Variants in NWD1 observed in about 807,000 individuals in gnomAD.
NWD1 encodes NACHT and WD repeat domain containing 1.
A neutral mutation model predicts 135.1 loss-of-function variants in NWD1; 129 were observed. The ratio of observed to expected loss-of-function variants is 0.96; its 90% CI spans 0.83 to 1.11. NWD1 has a LOEUF of 1.11. Ranked by LOEUF, NWD1 falls within the 50% of genes least tolerant of loss-of-function variation. NWD1 has a pLI of 0.00. For missense variants in NWD1, 1,740 were observed against 1,851.3 expected (o/e 0.94, Z 1.10); for synonymous variants, 773 against 786.0 (o/e 0.98, Z 0.28).
intron 5 of NWD1, among the ~76,000 whole-genome samples, chr19:16,747,824 C>T (rs1968388229): frequency 6.6e-6 from 1 of 152,188 alleles, no homozygotes; most frequent in African/African-American, 2.4e-5. Context: ...CACTACATGG[C>T]CTTTTGTGTC....
chr19:16,722,276 G>A (rs1967167173), intron 1 of NWD1, among the ~76,000 whole-genome samples: 1 of 151,182 alleles, frequency 6.6e-6, no homozygotes, highest in African/African-American at 2.4e-5. Flanking sequence ...TCCAGCCTGG[G>A]CGACAGAGCA....
At chr19:16,753,019 C>A (rs1232744367) in intron 6 of NWD1, among the ~76,000 whole-genome samples, 3 of 152,220 alleles carry the variant, frequency 2.0e-5, no homozygotes, top group Non-Finnish European at 2.9e-5. Flanking sequence ...CAAATAACAA[C>A]TGGGGCATGT....
rs542716813 is a variant in NWD1 at position 16,817,694 on chromosome 19, T to C, written c.*2655T>C. On this transcript the variant is annotated 3_prime_UTR_variant, in exon 19 of 19. Coordinates refer to ENST00000524140, the MANE Select transcript of NWD1 (RefSeq NM_001007525.5). ...TCTTCTGCCATTTTCATTTAACTGA[T>C]TTAACTGAAGAGCCCAATTAAATTG... 60 of 152,220 alleles carry C rather than the reference T, an allele frequency of 3.9e-4. No homozygotes were observed. The highest frequency in any genetic ancestry group is 1.4e-3 in the African/African-American group (58 of 41,544). The allele number at this position is 152,220 out of a possible 1,614,324, so 9.4% of individuals were successfully genotyped here. A position where few individuals can be genotyped will look rare whatever the true frequency, so the allele number is the denominator to read the frequency against.
At chr19:16,756,424 C>A (rs1003744977) in intron 6 of NWD1, among the ~76,000 whole-genome samples, 1 of 152,018 alleles carries the variant, frequency 6.6e-6, no homozygotes, top group Non-Finnish European at 1.5e-5. Context: ...ACAGCACAGG[C>A]GGAAGAAAAT....
rs1285298947 is a variant in NWD1, at chr19:16,749,958, T to C, written c.1316T>C (p.Met439Thr). ...FESLVLLLDA[M>T]DDLDSVRHAR... is the part of the protein sequence containing the mutation. Reference sequence around the variant, plus strand: ...TCTCTCGTGCTCCTGCTGGATGCTATGGATGACCTGGACTCTGTCCGCCAT... The same window carrying C: ...TCTCTCGTGCTCCTGCTGGATGCTACGGATGACCTGGACTCTGTCCGCCAT... Residue 439 changes from methionine to threonine, a missense_variant, in exon 6 of 19, where the codon ATG becomes ACG. Transcript: ENST00000524140. The C allele has an allele frequency of 1.2e-6, 2 of 1,613,834 alleles. No individual in the cohort carries two copies. The highest frequency in any genetic ancestry group is 1.3e-5 in the African/African-American group (1 of 75,062).
In NWD1 at chr19:16,765,111, C is replaced by A. The variant is rs1196870681; in HGVS notation, c.2329C>A (p.Pro777Thr). ...GCTGGATGACTTTGACCTGTGTGCC[C>A]CTCACCTGGACTCCCCTGAGGTTGG... ...DLLDDFDLCA[P>T]HLDSPEVGLV... Residue 777 changes from proline (P) to threonine (T), a missense_variant, in exon 10 of 19, where the codon CCT becomes ACT. Pro to Thr is a conservative substitution (Grantham distance 38). Transcript: ENST00000524140. 22 of 1,613,998 alleles carry A rather than the reference C, an allele frequency of 1.4e-5. No homozygotes were observed. The highest frequency in any genetic ancestry group is 1.7e-5 in the Non-Finnish European group (20 of 1,180,016).
Position 16,807,930 on chromosome 19 carries a change from C to A in NWD1, c.4081C>A (p.Arg1361Ser), listed in dbSNP as rs375906944. Reference sequence around the variant, plus strand: ...CAGCGTGGCCATTCTGACGGACTACCGCGTGGTCTACAGCATGACCAATGG... The same window carrying A: ...CAGCGTGGCCATTCTGACGGACTACAGCGTGGTCTACAGCATGACCAATGG... ...LSSVAILTDY[R>S]VVYSMTNGDL... Residue 1361 changes from arginine (R) to serine (S), a missense_variant, in exon 18 of 19, where the codon CGC becomes AGC. Physicochemically the swap from Arg to Ser is moderately radical, Grantham distance 110. Transcript: ENST00000524140. 6.2e-7 allele frequency: 1 copy of A among 1,614,032 alleles called. No individual in the cohort carries two copies. Among genetic ancestry groups the A allele is most frequent in the African/African-American group, 1.3e-5 (1 of 74,916 alleles).
chr19:16,726,566 A>G (rs1461805850), intron 2 of NWD1, among the ~76,000 whole-genome samples: 1 of 151,952 alleles, frequency 6.6e-6, no homozygotes, highest in Non-Finnish European at 1.5e-5. Flanking sequence ...CAGCCTCCCA[A>G]GTAGCTGGGA....
chr19:16,742,364 GA>G (rs1465564183), intron 4 of NWD1, among the ~76,000 whole-genome samples: 1 of 152,126 alleles, frequency 6.6e-6, no homozygotes, highest in African/African-American at 2.4e-5. Flanking sequence ...GACAGAGGGA[GA>G]TTCCATCTCA....
At chr19:16,765,712 C>G (rs971550902) in intron 10 of NWD1, among the ~76,000 whole-genome samples, 2 of 152,054 alleles carry the variant, frequency 1.3e-5, no homozygotes, top group Non-Finnish European at 1.5e-5. Context: ...TTGCCCTGGA[C>G]TTTTCTTTAG....
At chr19:16,758,245 G>A (rs1356218386) in intron 6 of NWD1, among the ~76,000 whole-genome samples, 2 of 152,008 alleles carry the variant, frequency 1.3e-5, no homozygotes, top group African/African-American at 4.8e-5. Flanking sequence ...TTTTTAACCA[G>A]TTTAACTTTA....
chr19:16,817,297 C>T lies in NWD1; in HGVS notation c.*2258C>T, dbSNP rs1971091432. On this transcript the variant is annotated 3_prime_UTR_variant, in exon 19 of 19. Transcript: ENST00000524140. ...CCTGGGTGACAGAGCAAGACTCCAT[C>T]TCATAATAATAATAATAATGGCAAA... The T allele has an allele frequency of 7.0e-6, 1 of 143,162 alleles. No homozygotes were observed. The allele number at this position is 143,162 out of a possible 1,614,324, so 8.9% of individuals were successfully genotyped here.
At chr19:16,795,472 A>G (rs1014863323) in intron 15 of NWD1, among the ~76,000 whole-genome samples, 2 of 145,282 alleles carry the variant, frequency 1.4e-5, no homozygotes, top group Admixed American at 1.4e-4. Context: ...GCTGTAGTGC[A>G]GTGGTATGAT....
intron 6 of NWD1, among the ~76,000 whole-genome samples, chr19:16,755,792 C>A (rs564358961): frequency 6.6e-6 from 1 of 152,194 alleles, no homozygotes; most frequent in Non-Finnish European, 1.5e-5. Flanking sequence ...CCCACCTTGG[C>A]CTCCCAAAGT....
At chr19:16,810,437 C>CAA (rs529841524) in intron 18 of NWD1, among the ~76,000 whole-genome samples, 13,300 of 65,908 alleles carry the variant, frequency 0.2, 1,291 homozygotes, top group African/African-American at 0.34. Context: ...GACTCCATCT[C>CAA]AAAAAAAAAA....
At chr19:16,796,210 C>T (rs1970412765) in intron 15 of NWD1, among the ~76,000 whole-genome samples, 1 of 151,968 alleles carries the variant, frequency 6.6e-6, no homozygotes, top group Admixed American at 6.6e-5. Context: ...TTTGGGAGGC[C>T]AAGGTGGGCC....
At chr19:16,798,976 A>T (rs1970510127) in intron 16 of NWD1, among the ~76,000 whole-genome samples, 1 of 150,570 alleles carries the variant, frequency 6.6e-6, no homozygotes, top group Admixed American at 6.6e-5. Context: ...GAGCTTCCAG[A>T]CCCTCTAAAA....
At chr19:16,735,139 C>T (rs1245977429) in intron 3 of NWD1, among the ~76,000 whole-genome samples, 1 of 152,118 alleles carries the variant, frequency 6.6e-6, no homozygotes, top group Non-Finnish European at 1.5e-5. Context: ...AGTTCCCATA[C>T]ACCCCACACT....
At chr19:16,813,668 G>T (rs1219283201) in intron 18 of NWD1, among the ~76,000 whole-genome samples, 4 of 151,838 alleles carry the variant, frequency 2.6e-5, no homozygotes, top group African/African-American at 7.3e-5. Context: ...GTAGAGGTAG[G>T]GTTTCACCAT....
Sources: allele counts gnomAD v4.1 joint callset (sites outside exome capture counted in the v4.1 genomes callset), GRCh38; gene constraint gnomAD v4.1.1; transcripts MANE v1.5; gene names NCBI Gene and HGNC (gene_info 2026-07-23, HGNC 2026-07-21).